ADAMTS12: variants seen among roughly 807,000 people sequenced by gnomAD.
ADAMTS12 encodes ADAM metallopeptidase with thrombospondin type 1 motif 12.
A neutral mutation model predicts 167.8 loss-of-function variants in ADAMTS12; 118 were observed. The observed-to-expected ratio is 0.70, with a 90% CI of 0.61 to 0.82. ADAMTS12 has a LOEUF of 0.82. Among genes scored for constraint, ADAMTS12 ranks in the 40% least tolerant of loss-of-function variants. ADAMTS12 has a pLI of 0.00. For synonymous variants in ADAMTS12, 704 were observed against 716.9 expected (o/e 0.98, Z 0.29); for missense variants, 1,916 against 1,998.8 (o/e 0.96, Z 0.79).
At chr5:33,891,695 A>G (rs750547102) in intron 1 of ADAMTS12, 35 bp downstream of exon 1, 2 of 1,613,080 alleles carry the variant, frequency 1.2e-6, no homozygotes, top group Non-Finnish European at 1.7e-6. Flanking sequence ...TCTTACCACC[A>G]CTGTTTTAAA....
chr5:33,885,622 C>T (rs142493588), intron 1 of ADAMTS12, among the ~76,000 whole-genome samples: 2 of 152,330 alleles, frequency 1.3e-5, no homozygotes, highest in South Asian at 2.1e-4. Flanking sequence ...ATAAGTAAGG[C>T]ATGCCAGTGC....
At chr5:33,580,075 T>C (rs568995100) in intron 18 of ADAMTS12, among the ~76,000 whole-genome samples, 1 of 152,232 alleles carries the variant, frequency 6.6e-6, no homozygotes, top group Non-Finnish European at 1.5e-5. Context: ...CCGATGGATA[T>C]GTGGTTTTCA....
At chr5:33,617,294 C>A (rs1260179164) in intron 14 of ADAMTS12, among the ~76,000 whole-genome samples, 1 of 151,570 alleles carries the variant, frequency 6.6e-6, no homozygotes, top group East Asian at 1.9e-4. Flanking sequence ...ATATGCACTA[C>A]GTTATTTGGT....
At chr5:33,854,856 G>T (rs1234369610) in intron 2 of ADAMTS12, among the ~76,000 whole-genome samples, 1 of 152,190 alleles carries the variant, frequency 6.6e-6, no homozygotes, top group African/African-American at 2.4e-5. Flanking sequence ...ACCCCCAAAG[G>T]TCAGAGGTCA....
chr5:33,676,481 T>A lies in ADAMTS12; in HGVS notation c.915+6537A>T, dbSNP rs901200157. Among the ~76,000 whole-genome samples, 115 of 151,794 alleles carry A rather than the reference T, an allele frequency of 7.6e-4. 1 individual carries two copies. The highest frequency in any genetic ancestry group is 1.4e-3 in the Non-Finnish European group (98 of 67,926). ...CCAGAGGAAAGGATACTTTTTTTTT[T>A]AAGGTTCAAGACCAGCTTGGGCAAC... On this transcript the variant is annotated intron_variant, in intron 5 of 23. Coordinates refer to ENST00000504830, the MANE Select transcript of ADAMTS12 (RefSeq NM_030955.4).
At chr5:33,648,686 G>GAC (rs1740767060) in intron 9 of ADAMTS12, 136 bp downstream of exon 9, 1 of 1,118,508 alleles carries the variant, frequency 8.9e-7, no homozygotes. Context: ...TTCCCTTACA[G>GAC]ACACACCTTG....
chr5:33,649,436 G>C lies in ADAMTS12; in HGVS notation c.1334+118C>G, dbSNP rs1449796315. 3.9e-6 allele frequency: 5 copies of C among 1,282,898 alleles called. No homozygotes were observed. The African/African-American group carries it at 7.4e-5, about 19-fold the overall frequency. 79.5% of individuals were successfully genotyped at this position (1,282,898 alleles called of 1,614,324 possible). A position where few individuals can be genotyped will look rare whatever the true frequency, so the allele number is the denominator to read the frequency against. On this transcript the variant is annotated intron_variant, in intron 8 of 23. Coordinates refer to ENST00000504830, the MANE Select transcript of ADAMTS12 (RefSeq NM_030955.4). ...GCCCCTTCTGATGCCACCCTGACAT[G>C]GTGGCCTGTGGGATGGAATCCAGCC...
chr5:33,891,512 T>C, intron 1 of ADAMTS12: 1 of 608,170 alleles, frequency 1.6e-6, no homozygotes, highest in Non-Finnish European at 2.8e-6. Context: ...AAGAGTGAGG[T>C]ACTCACCTTT....
chr5:33,784,400 AAAGT>A lies in ADAMTS12; in HGVS notation c.490-32856_490-32853del, dbSNP rs545832360. Among the ~76,000 whole-genome samples, 910 of 152,086 alleles carry A rather than the reference AAAGT, an allele frequency of 6.0e-3. 8 individuals carry two copies. Among genetic ancestry groups the A allele is most frequent in the African/African-American group, 0.021 (878 of 41,554 alleles). On this transcript the variant is annotated intron_variant, in intron 2 of 23. Transcript: ENST00000504830. ...AATTAAAGGCATGCAAATTGGAAAC[AAAGT>A]AAGACTCTTTTATAGACAATATAAT...
chr5:33,771,017 G>T (rs573667316), intron 2 of ADAMTS12, among the ~76,000 whole-genome samples: 26 of 152,094 alleles, frequency 1.7e-4, no homozygotes, highest in African/African-American at 5.3e-4. Context: ...TTTTTCTTTA[G>T]AGGACTTCAT....
At chr5:33,575,970 A>C (rs373735144) in intron 19 of ADAMTS12, 84 bp downstream of exon 19, 516 of 1,514,806 alleles carry the variant, frequency 3.4e-4, no homozygotes, top group Middle Eastern at 5.6e-4. Context: ...TTTTAATGCA[A>C]ACTCATTTTG....
At chr5:33,692,890 C>T (rs574203533) in intron 3 of ADAMTS12, among the ~76,000 whole-genome samples, 1 of 152,318 alleles carries the variant, frequency 6.6e-6, no homozygotes, top group East Asian at 1.9e-4. Flanking sequence ...ATGAGTCCTA[C>T]ATGTATCTTC....
At chr5:33,873,165 T>TAAA (rs1193116018) in intron 2 of ADAMTS12, among the ~76,000 whole-genome samples, 1 of 146,168 alleles carries the variant, frequency 6.8e-6, no homozygotes, top group Non-Finnish European at 1.5e-5. Flanking sequence ...CTATGTAGAT[T>TAAA]TAAAAAAAAA....
chr5:33,738,358 A>T (rs1364080593), intron 3 of ADAMTS12, among the ~76,000 whole-genome samples: 1 of 151,972 alleles, frequency 6.6e-6, no homozygotes, highest in Non-Finnish European at 1.5e-5. Context: ...GAATCTTGCC[A>T]ATCAGGTGAG....
chr5:33,701,845 T>G (rs925769509), intron 3 of ADAMTS12, among the ~76,000 whole-genome samples: 1 of 152,170 alleles, frequency 6.6e-6, no homozygotes, highest in East Asian at 1.9e-4. Context: ...CAGCACAAGA[T>G]CTTTCCCATT....
chr5:33,605,339 A>T (rs1446039236), intron 16 of ADAMTS12, among the ~76,000 whole-genome samples: 1 of 152,214 alleles, frequency 6.6e-6, no homozygotes. Flanking sequence ...TCTTCTCCTT[A>T]CCTCTTGCAT....
At chr5:33,739,592 C>T (rs757272169) in intron 3 of ADAMTS12, among the ~76,000 whole-genome samples, 1 of 152,226 alleles carries the variant, frequency 6.6e-6, no homozygotes, top group Non-Finnish European at 1.5e-5. Flanking sequence ...CTCTCCCCGA[C>T]AGATATTAGG....
At chr5:33,861,576 T>C (rs541460880) in intron 2 of ADAMTS12, among the ~76,000 whole-genome samples, 10 of 152,114 alleles carry the variant, frequency 6.6e-5, no homozygotes, top group African/African-American at 1.4e-4. Context: ...CACGATAACA[T>C]TGGGAGACTT....
chr5:33,577,069 T>C lies in ADAMTS12; in HGVS notation c.2957A>G (p.Asn986Ser), dbSNP rs79130489. Residue 986 changes from asparagine to serine, a missense_variant, in exon 19 of 24, where the codon AAC becomes AGC. Physicochemically the swap from Asn to Ser is conservative, Grantham distance 46. Transcript: ENST00000504830. ...DEPCDVTRKP[N>S]SRALCGLQQC... ...CTGGAGGCCACACAGAGCTCGGCTGTTGGGTTTCCTTGTCACATCGCAAGG... is the reference window on the plus strand; with the variant it reads ...CTGGAGGCCACACAGAGCTCGGCTGCTGGGTTTCCTTGTCACATCGCAAGG... The C allele has an allele frequency of 6.2e-7, 1 of 1,614,198 alleles. No individual in the cohort carries two copies. The highest frequency in any genetic ancestry group is 1.3e-5 in the African/African-American group (1 of 75,056).
Sources: allele counts gnomAD v4.1 joint callset (sites outside exome capture counted in the v4.1 genomes callset), GRCh38; gene constraint gnomAD v4.1.1; transcripts MANE v1.5; gene names NCBI Gene and HGNC (gene_info 2026-07-23, HGNC 2026-07-21).